The following FRYL variants were observed in gnomAD, a reference collection of about 807,000 sequenced individuals.
FRYL encodes the protein FRY like transcription coactivator.
A neutral mutation model predicts 351.2 loss-of-function variants in FRYL; 150 were observed. The observed-to-expected ratio is 0.43, with a 90% CI of 0.37 to 0.49. FRYL has a LOEUF of 0.49. Among genes scored for constraint, FRYL ranks in the 20% least tolerant of loss-of-function variants. The probability of loss-of-function intolerance (pLI) is 0.00; values close to 1 mark genes in which losing one functional copy is unlikely to be tolerated. For synonymous variants in FRYL, 1,153 were observed against 1,257.1 expected, an observed-to-expected ratio of 0.92 and a Z score of 1.75; for missense variants, 3,036 against 3,619.3, an observed-to-expected ratio of 0.84 and a Z score of 4.13.
chr4:48,708,714 T>G (rs989307162), intron 2 of FRYL, among the ~76,000 whole-genome samples: 22 of 152,070 alleles, frequency 1.4e-4, no homozygotes, highest in Admixed American at 1.4e-3. Context: ...CACCTTACCC[T>G]CCCAAGTATC....
rs533149235 is a variant in FRYL at position 48,677,071 on chromosome 4, A to T, written c.-81+7602T>A. On this transcript the variant is annotated intron_variant, in intron 3 of 63. Transcript: ENST00000358350. ...CTACAGGCATTTAAAAATATATTTT[A>T]CAGAGGAATAGAGGATATTGGTGAA... Among the ~76,000 whole-genome samples, 3 of 152,378 alleles carry T rather than the reference A, an allele frequency of 2.0e-5. No homozygotes were observed. In the South Asian group the frequency reaches 6.2e-4, roughly 32 times the overall value.
Position 48,592,082 on chromosome 4 carries a change from T to TTA in FRYL, c.1336-1254_1336-1253dup, listed in dbSNP as rs56320005. ...GGAATACGGGAAGAAAATAAAGCTCTTATATATATATATATATATATATAT... is the reference window on the plus strand; with the variant it reads ...GGAATACGGGAAGAAAATAAAGCTCTTATATATATATATATATATATATATAT... On this transcript the variant is annotated intron_variant, in intron 16 of 63. Transcript: ENST00000358350. 1.9e-3 allele frequency among the ~76,000 whole-genome samples: 226 copies of TTA among 116,174 alleles called. 9 individuals carry two copies. Among genetic ancestry groups the TTA allele is most frequent in the African/African-American group, 8.0e-3 (178 of 22,228 alleles). The allele number at this position is 116,174 out of a possible 152,430, so 76.2% of individuals were successfully genotyped here. A position where few individuals can be genotyped will look rare whatever the true frequency, so the allele number is the denominator to read the frequency against.
At chr4:48,592,103 TATATATATATA>T (rs1743492873) in intron 16 of FRYL, among the ~76,000 whole-genome samples, 1 of 43,218 alleles carries the variant, frequency 2.3e-5, no homozygotes, top group African/African-American at 5.1e-5. Context: ...TATATATATA[TATATATATATA>T]TTTTATCTAA....
chr4:48,737,259 G>GAAAAAAAAAAAA (rs368219531), intron 1 of FRYL, among the ~76,000 whole-genome samples: 1 of 97,704 alleles, frequency 1.0e-5, no homozygotes. Context: ...CTCCATCACA[G>GAAAAAAAAAAAA]AAAAAAAAAA....
intron 2 of FRYL, among the ~76,000 whole-genome samples, chr4:48,706,474 T>C (rs531290626): frequency 6.6e-6 from 1 of 152,268 alleles, no homozygotes; most frequent in South Asian, 2.1e-4. Context: ...ATGGTGGTTG[T>C]CAGGGGCTGG....
At chr4:48,716,836 G>A (rs1768890477) in intron 1 of FRYL, among the ~76,000 whole-genome samples, 1 of 151,268 alleles carries the variant, frequency 6.6e-6, no homozygotes, top group South Asian at 2.1e-4. Flanking sequence ...TGTTTATTGT[G>A]GCACTATTCA....
chr4:48,501,572 T>A (rs1165654719), intron 62 of FRYL, 51 bp downstream of exon 62: 7 of 1,008,908 alleles, frequency 6.9e-6, no homozygotes, highest in Admixed American at 5.6e-5. Context: ...GATTTTATTT[T>A]AAAATTTTTT....
intron 9 of FRYL, 43 bp downstream of exon 9, chr4:48,608,944 T>C (rs776604): frequency 0.21 from 266,555 of 1,262,082 alleles, 30,500 homozygotes; most frequent in Admixed American, 0.42. Flanking sequence ...TGAAGCATTC[T>C]AAAATGCAAA....
At position 48,634,311 on chromosome 4, in the gene FRYL, C is replaced by T; in HGVS notation, c.100G>A (p.Val34Ile). The T allele has an allele frequency of 6.2e-7, 1 of 1,613,452 alleles. No individual in the cohort carries two copies. Among genetic ancestry groups the T allele is most frequent in the Non-Finnish European group, 8.5e-7 (1 of 1,179,530 alleles). Residue 34 changes from valine to isoleucine, a missense_variant, in exon 4 of 64, where the codon GTT becomes ATT. By Grantham distance (29) the Val-to-Ile change is conservative. This residue lies in a region of FRYL where 457 missense variants were observed against 566.6 expected (regional missense o/e 0.81). Transcript: ENST00000358350. Reference sequence around the variant, plus strand: ...CTCACCAAGGGTTCGGCCATTACAACTTCAATTTTCTTTTCAGCTTGAACA... The same window carrying T: ...CTCACCAAGGGTTCGGCCATTACAATTTCAATTTTCTTTTCAGCTTGAACA... ...FAVQAEKKIE[V>I]VMAEPLEKLL...
intron 59 of FRYL, chr4:48,506,615 A>AATAT (rs55736457): frequency 2.1e-3 from 153 of 71,626 alleles, no homozygotes; most frequent in Non-Finnish European, 2.7e-3. Flanking sequence ...CAATACAACT[A>AATAT]ATATATATAT....
intron 30 of FRYL, 144 bp downstream of exon 30, chr4:48,564,789 T>C (rs2149074639): frequency 2.0e-6 from 1 of 508,962 alleles, no homozygotes; most frequent in Non-Finnish European, 3.5e-6. Context: ...TGGGATCCTA[T>C]TTAACTTTAT....
intron 2 of FRYL, among the ~76,000 whole-genome samples, chr4:48,694,443 T>G (rs1765956469): frequency 1.3e-5 from 2 of 151,978 alleles, no homozygotes; most frequent in Admixed American, 1.3e-4. Context: ...ATTACAGGCA[T>G]GTGCCACTGC....
At chr4:48,565,188 A>G (rs180896674) in intron 29 of FRYL, 145 bp from the exon 30 acceptor site, 67 of 516,156 alleles carry the variant, frequency 1.3e-4, no homozygotes, top group African/African-American at 1.2e-3. Context: ...TGAGAAATTT[A>G]TTATGAGTAA....
chr4:48,715,126 A>C (rs1017941406), intron 1 of FRYL, among the ~76,000 whole-genome samples: 66 of 152,090 alleles, frequency 4.3e-4, no homozygotes, highest in Non-Finnish European at 1.3e-4. Context: ...CGTATCTCAA[A>C]ATAATAAGAG....
intron 40 of FRYL, among the ~76,000 whole-genome samples, chr4:48,548,142 A>G (rs1186913957): frequency 1.3e-5 from 2 of 152,116 alleles, no homozygotes; most frequent in Admixed American, 1.3e-4. Flanking sequence ...GTAATACACC[A>G]ACATTAAGTG....
chr4:48,692,765 T>C (rs1344236418), intron 2 of FRYL, among the ~76,000 whole-genome samples: 1 of 152,242 alleles, frequency 6.6e-6, no homozygotes, highest in Admixed American at 6.5e-5. Context: ...GTTTATGTCA[T>C]ATAATTCATG....
chr4:48,618,999 G>T, intron 7 of FRYL: 1 of 301,772 alleles, frequency 3.3e-6, no homozygotes, highest in Non-Finnish European at 6.1e-6. Flanking sequence ...TACATTTACA[G>T]CTAAAGGTCA....
Position 48,577,848 on chromosome 4 carries a change from C to T in FRYL, c.2528+1125G>A, listed in dbSNP as rs1739961058. Among the ~76,000 whole-genome samples, 3 of 151,362 alleles carry T rather than the reference C, an allele frequency of 2.0e-5. No homozygotes were observed. In the South Asian group the frequency reaches 6.3e-4, roughly 32 times the overall value. ...CTATGATTACACCTCTGCATTCCAG[C>T]CTAAGTGACAGAGTGAGACCCTGCC... On this transcript the variant is annotated intron_variant, in intron 23 of 63. Coordinates refer to ENST00000358350, the MANE Select transcript of FRYL (RefSeq NM_015030.2).
intron 1 of FRYL, among the ~76,000 whole-genome samples, chr4:48,738,914 G>A (rs1036550065): frequency 2.0e-5 from 3 of 152,022 alleles, no homozygotes; most frequent in Admixed American, 2.0e-4. Flanking sequence ...TTGACAAACT[G>A]ATTCCAAAGT....
Sources: allele counts gnomAD v4.1 joint callset (sites outside exome capture counted in the v4.1 genomes callset), GRCh38; gene constraint gnomAD v4.1.1; regional missense constraint gnomAD v4.1.1; transcripts MANE v1.5; gene names NCBI Gene and HGNC (gene_info 2026-07-23, HGNC 2026-07-21).